BPIFA2: variants seen among roughly 807,000 people sequenced by gnomAD.
The protein encoded by BPIFA2 is BPI fold-containing family A member 2.
Under a neutral mutation model 25.7 loss-of-function variants are expected in BPIFA2, and 20 were observed. The ratio of observed to expected loss-of-function variants is 0.78; its 90% confidence interval spans 0.55 to 1.13. BPIFA2 has a LOEUF of 1.13. Ranked by LOEUF, BPIFA2 falls within the 50% of genes most tolerant of loss-of-function variation. The pLI, the probability that BPIFA2 is intolerant of heterozygous loss-of-function variation, is 0.00. For synonymous variants in BPIFA2, 126 were observed against 124.3 expected, an observed-to-expected ratio of 1.01 and a Z score of -0.09; for missense variants, 300 against 298.1, an observed-to-expected ratio of 1.01 and a Z score of -0.05.
upstream of BPIFA2, among the ~76,000 whole-genome samples, chr20:33,166,900 T>C (rs1267784955): frequency 6.6e-6 from 1 of 152,256 alleles, no homozygotes; most frequent in Non-Finnish European, 1.5e-5. Context: ...CCCTTGGCTC[T>C]GTGCTTCACA....
chr20:33,179,543 A>T (rs1984198761), intron 6 of BPIFA2, 61 bp from the exon 7 acceptor site: 1 of 1,419,854 alleles, frequency 7.0e-7, no homozygotes, highest in Non-Finnish European at 1.0e-6. Flanking sequence ...CTCAGCTGAG[A>T]AGAATGATCT....
chr20:33,176,804 A>T (rs1460636635), intron 5 of BPIFA2, among the ~76,000 whole-genome samples: 2 of 152,130 alleles, frequency 1.3e-5, no homozygotes, highest in Non-Finnish European at 2.9e-5. Flanking sequence ...GCCCAGATAC[A>T]GTGGCCTTTG....
At chr20:33,166,399 G>A (rs1774027656), upstream of BPIFA2, among the ~76,000 whole-genome samples, 1 of 152,140 alleles carries the variant, frequency 6.6e-6, no homozygotes, top group South Asian at 2.1e-4. Flanking sequence ...ATCGTAAGCC[G>A]GGACCATATG....
chr20:33,164,180 A>G (rs1205218763), upstream of BPIFA2, among the ~76,000 whole-genome samples: 1 of 152,208 alleles, frequency 6.6e-6, no homozygotes, highest in East Asian at 1.9e-4. Context: ...CCAGCAGAAA[A>G]TAATTTGCAC....
upstream of BPIFA2, among the ~76,000 whole-genome samples, chr20:33,163,651 G>A (rs902666998): frequency 6.6e-5 from 10 of 152,076 alleles, no homozygotes; most frequent in Admixed American, 1.3e-4. Context: ...GTAAAACCCC[G>A]TCTCTACTAA....
chr20:33,166,317 A>G (rs1431059227), upstream of BPIFA2, among the ~76,000 whole-genome samples: 1 of 152,162 alleles, frequency 6.6e-6, no homozygotes, highest in African/African-American at 2.4e-5. Flanking sequence ...ATGCCTGGCC[A>G]GATGGTCCTC....
intron 2 of BPIFA2, among the ~76,000 whole-genome samples, chr20:33,172,520 A>G (rs1983931352): frequency 6.6e-6 from 1 of 151,804 alleles, no homozygotes; most frequent in Non-Finnish European, 1.5e-5. Flanking sequence ...TAGATTTTTC[A>G]TTTCTTGAGT....
chr20:33,170,015 G>A (rs552497629), intron 2 of BPIFA2, among the ~76,000 whole-genome samples: 1 of 152,220 alleles, frequency 6.6e-6, no homozygotes, highest in South Asian at 2.1e-4. Context: ...AGTTTTTGTA[G>A]GAGGAGGTAA....
Position 33,169,170 on chromosome 20 carries a change from C to T in BPIFA2, c.25C>T (p.Leu9Phe). The change falls in exon 2 of 9, where the codon CTC (leucine) becomes TTC (phenylalanine). Residue 9 changes from leucine to phenylalanine, a missense_variant. Leu to Phe is a conservative substitution (Grantham distance 22, BLOSUM62 0). Transcript: ENST00000354932. MLQLWKLV[L>F]LCGVLTGTSE... is the part of the protein sequence containing the mutation. ...GATGCTTCAGCTTTGGAAACTTGTT[C>T]TCCTGTGCGGCGTGCTCACTGGGAC... 1 of 1,614,168 alleles carries T rather than the reference C, an allele frequency of 6.2e-7. No homozygotes were observed. Among genetic ancestry groups the T allele is most frequent in the East Asian group, 2.2e-5 (1 of 44,888 alleles).
chr20:33,179,431 G>GAA (rs397973111), intron 6 of BPIFA2, among the ~76,000 whole-genome samples, 173 bp from the exon 7 acceptor site: 7,127 of 117,806 alleles, frequency 0.06, 317 homozygotes, highest in African/African-American at 0.13. Flanking sequence ...TTCTGTCTCA[G>GAA]AAAAAAAAAA....
At chr20:33,176,534 T>G (rs1251143790) in intron 5 of BPIFA2, among the ~76,000 whole-genome samples, 1 of 152,194 alleles carries the variant, frequency 6.6e-6, no homozygotes, top group Non-Finnish European at 1.5e-5. Flanking sequence ...CATAGCCTGA[T>G]GTGAGTTGCG....
At chr20:33,177,211 C>A (rs917359130) in intron 5 of BPIFA2, among the ~76,000 whole-genome samples, 4 of 152,064 alleles carry the variant, frequency 2.6e-5, no homozygotes, top group Admixed American at 1.3e-4. Context: ...AAAAATTAGC[C>A]GGGGGTGGTG....
At chr20:33,162,090 C>T (rs957592909) in intron 1 of BPIFA2, among the ~76,000 whole-genome samples, 1 of 152,116 alleles carries the variant, frequency 6.6e-6, no homozygotes, top group African/African-American at 2.4e-5. Flanking sequence ...AAATGATTCC[C>T]CTGCCTCAGC....
At chr20:33,180,693 C>T (rs1984248993) in intron 8 of BPIFA2, 96 bp downstream of exon 8, 1 of 1,003,582 alleles carries the variant, frequency 1.0e-6, no homozygotes, top group Non-Finnish European at 1.5e-6. Flanking sequence ...AAGACTGTGC[C>T]TTCATCTCAG....
At chr20:33,178,085 T>C in intron 5 of BPIFA2, 62 bp from the exon 6 acceptor site, 3 of 1,321,696 alleles carry the variant, frequency 2.3e-6, no homozygotes, top group Non-Finnish European at 3.2e-6. Context: ...CCCCAACTTT[T>C]TGGCAGTTCT....
chr20:33,177,149 G>C (rs1600602527), intron 5 of BPIFA2, among the ~76,000 whole-genome samples: 1 of 152,180 alleles, frequency 6.6e-6, no homozygotes, highest in East Asian at 1.9e-4. Flanking sequence ...GAGGTCAGGA[G>C]TTCAAGACCA....
At position 33,178,218 on chromosome 20, in the gene BPIFA2, T is replaced by C; in HGVS notation, c.635T>C (p.Leu212Pro). 6.3e-7 allele frequency: 1 copy of C among 1,594,334 alleles called. No individual in the cohort carries two copies. Among genetic ancestry groups the C allele is most frequent in the Non-Finnish European group, 8.6e-7 (1 of 1,164,434 alleles). The change falls in exon 6 of 9, where the codon CTG (leucine) becomes CCG (proline). Residue 212 changes from leucine to proline, a missense_variant. Leu to Pro is a moderately conservative substitution (Grantham distance 98, BLOSUM62 -3). Coordinates refer to ENST00000354932, the MANE Select transcript of BPIFA2 (RefSeq NM_080574.4). ...CTGAAAAGCACTGTATCCTCCCTGC[T>C]GCAGAAGGAGGTGAGTCTCCCACTC... ...NTLKSTVSSL[L>P]QKEICPLIRI... is the part of the protein sequence containing the mutation.
At chr20:33,177,653 A>G (rs1984128635) in intron 5 of BPIFA2, among the ~76,000 whole-genome samples, 1 of 152,186 alleles carries the variant, frequency 6.6e-6, no homozygotes, top group Non-Finnish European at 1.5e-5. Flanking sequence ...TTAACTGGGC[A>G]CTGTGATAGC....
intron 6 of BPIFA2, among the ~76,000 whole-genome samples, chr20:33,178,992 A>T (rs1248166363): frequency 6.6e-6 from 1 of 152,198 alleles, no homozygotes; most frequent in Non-Finnish European, 1.5e-5. Flanking sequence ...TTAAAATTCC[A>T]GGGTTCCAAA....
Sources: gnomAD v4.1 joint callset for allele counts (sites outside exome capture counted in the v4.1 genomes callset) on GRCh38, gnomAD v4.1.1 for gene constraint, MANE v1.5 for transcripts, NCBI Gene and HGNC (gene_info 2026-07-23, HGNC 2026-07-21) for gene names.